The following HOOK3 variants were observed in gnomAD, a reference collection of about 807,000 sequenced individuals.
HOOK3 encodes hook microtubule tethering protein 3, also known as protein Hook homolog 3.
Under a neutral mutation model 116.3 loss-of-function variants are expected in HOOK3, and 24 were observed. The observed-to-expected ratio is 0.21, with a 90% CI of 0.15 to 0.29. The LOEUF (loss-of-function observed/expected upper bound fraction) is 0.29, where lower values mean the gene tolerates loss of function less well. HOOK3 is among the 10% of genes least tolerant of loss of function. HOOK3 has a pLI of 1.00. For missense variants in HOOK3, 632 were observed against 830.2 expected (o/e 0.76, Z 2.93); for synonymous variants, 275 against 283.0 (o/e 0.97, Z 0.28).
At chr8:42,935,134 A>G (rs1214134548) in intron 4 of HOOK3, among the ~76,000 whole-genome samples, 1 of 152,110 alleles carries the variant, frequency 6.6e-6, no homozygotes, top group African/African-American at 2.4e-5. Flanking sequence ...GCATTTCTCT[A>G]ATGACCAATG....
chr8:42,932,345 A>T (rs7016659), intron 4 of HOOK3, among the ~76,000 whole-genome samples: 1 of 152,062 alleles, frequency 6.6e-6, no homozygotes, highest in Non-Finnish European at 1.5e-5. Context: ...TGCCTATTAC[A>T]TAAAAAAAAA....
chr8:42,931,811 G>A (rs1207990140), intron 4 of HOOK3, among the ~76,000 whole-genome samples: 3 of 151,586 alleles, frequency 2.0e-5, no homozygotes, highest in Non-Finnish European at 4.4e-5. Flanking sequence ...GTAGAGTGCA[G>A]TAGCGCGATC....
chr8:43,001,039 A>G (rs1809369898), intron 16 of HOOK3: 1 of 151,966 alleles, frequency 6.6e-6, no homozygotes, highest in Non-Finnish European at 1.5e-5. Context: ...CCGAGGTGGG[A>G]GGAGGATCAC....
At chr8:42,982,271 GAAAAAAA>G (rs753456985) in intron 13 of HOOK3, among the ~76,000 whole-genome samples, 2 of 118,130 alleles carry the variant, frequency 1.7e-5, no homozygotes, top group African/African-American at 3.4e-5. Flanking sequence ...AAAAAAAAAA[GAAAAAAA>G]AAAAGAAAAA....
intron 4 of HOOK3, among the ~76,000 whole-genome samples, chr8:42,935,043 TC>T (rs1415544153): frequency 6.6e-6 from 1 of 152,214 alleles, no homozygotes; most frequent in African/African-American, 2.4e-5. Flanking sequence ...CCATATCCTC[TC>T]CAGCATCTAT....
chr8:42,906,344 T>A, intron 2 of HOOK3, 86 bp downstream of exon 2: 1 of 927,690 alleles, frequency 1.1e-6, no homozygotes, highest in Non-Finnish European at 1.8e-6. Context: ...AGTACTTACA[T>A]GAAACGTGTG....
intron 13 of HOOK3, among the ~76,000 whole-genome samples, chr8:42,978,648 A>G (rs1808874037): frequency 6.6e-6 from 1 of 152,088 alleles, no homozygotes; most frequent in South Asian, 2.1e-4. Flanking sequence ...TCCTGACCTC[A>G]GGTGATCCAC....
intron 1 of HOOK3, 26 bp from the exon 2 acceptor site, chr8:42,906,147 C>G (rs781718667): frequency 2.2e-6 from 2 of 901,952 alleles, no homozygotes; most frequent in South Asian, 1.3e-5. Context: ...AGAATCTCTC[C>G]CCCCCCCCTC....
At chr8:43,017,298 C>T (rs1422184347) in intron 21 of HOOK3, among the ~76,000 whole-genome samples, 3 of 152,290 alleles carry the variant, frequency 2.0e-5, no homozygotes, top group South Asian at 2.1e-4. Context: ...GCCAAGTTCT[C>T]GCACTGTTCC....
At chr8:42,965,585 G>A (rs776198433) in intron 9 of HOOK3, among the ~76,000 whole-genome samples, 4 of 152,072 alleles carry the variant, frequency 2.6e-5, no homozygotes, top group Non-Finnish European at 4.4e-5. Context: ...ATTTTGTTAC[G>A]GTTTACTAAA....
chr8:42,988,408 A>T (rs530564792), intron 15 of HOOK3, among the ~76,000 whole-genome samples: 4 of 152,288 alleles, frequency 2.6e-5, no homozygotes, highest in Admixed American at 6.5e-5. Flanking sequence ...AACTTTCTTC[A>T]TACTGCTTTG....
intron 14 of HOOK3, among the ~76,000 whole-genome samples, chr8:42,985,654 A>G (rs1278880232): frequency 6.6e-6 from 1 of 152,046 alleles, no homozygotes; most frequent in Non-Finnish European, 1.5e-5. Context: ...CTGAGGCAGA[A>G]GAATTGCTTG....
rs112535497 is a variant in HOOK3, at chr8:43,015,232, A to G, written c.2016+1832A>G. 4.4e-3 allele frequency among the ~76,000 whole-genome samples: 666 copies of G among 152,174 alleles called. 7 individuals carry two copies. Among genetic ancestry groups the G allele is most frequent in the African/African-American group, 0.015 (626 of 41,552 alleles). ...TATCAGAGTTAGAATACTATTATTG[A>G]CAAATATAGGCTATGCACGATGGCT... On this transcript the variant is annotated intron_variant, in intron 21 of 21. Transcript: ENST00000307602.
chr8:42,983,537 G>T (rs1257148499), intron 14 of HOOK3, among the ~76,000 whole-genome samples: 1 of 152,094 alleles, frequency 6.6e-6, no homozygotes, highest in East Asian at 1.9e-4. Context: ...AGGCTGGAGT[G>T]CAGTGGCACA....
At chr8:42,968,558 G>A (rs1432561451) in intron 11 of HOOK3, among the ~76,000 whole-genome samples, 1 of 152,082 alleles carries the variant, frequency 6.6e-6, no homozygotes, top group Non-Finnish European at 1.5e-5. Flanking sequence ...TTGTACTCCT[G>A]AGCTCAAGTG....
intron 4 of HOOK3, among the ~76,000 whole-genome samples, chr8:42,932,333 C>G (rs1234972738): frequency 6.6e-6 from 1 of 151,530 alleles, no homozygotes; most frequent in Non-Finnish European, 1.5e-5. Context: ...TTCTGAGCAT[C>G]ATGCCTATTA....
chr8:43,011,462 T>C (rs1489310772), intron 19 of HOOK3, among the ~76,000 whole-genome samples: 1 of 152,016 alleles, frequency 6.6e-6, no homozygotes, highest in East Asian at 1.9e-4. Flanking sequence ...TGTGTGTGTG[T>C]GTGTGTGGAG....
In HOOK3 at chr8:42,953,255, T is replaced by TAAAA. The variant is rs71231878; in HGVS notation, c.468+2816_468+2819dup. ...TAATTCTACTTTTAGGAGTTTATCC[T>TAAAA]AAAAAAAAAAAAAAAAAAAGTAAAA... is the stretch of plus-strand genomic sequence containing the variant. On this transcript the variant is annotated intron_variant, in intron 6 of 21. Transcript: ENST00000307602. Among the ~76,000 whole-genome samples the TAAAA allele has an allele frequency of 1.1e-4, 12 of 107,426 alleles. No homozygotes were observed. In the Admixed American group the frequency reaches 1.1e-3, roughly 10 times the overall value. 70.5% of individuals were successfully genotyped at this position (107,426 alleles called of 152,430 possible). A position where few individuals can be genotyped will look rare whatever the true frequency, so the allele number is the denominator to read the frequency against.
At chr8:42,923,295 C>T (rs1807696832) in intron 2 of HOOK3, among the ~76,000 whole-genome samples, 1 of 152,198 alleles carries the variant, frequency 6.6e-6, no homozygotes, top group South Asian at 2.1e-4. Flanking sequence ...CCTTGCCTCA[C>T]ATGACCCATC....
Sources: gnomAD v4.1 joint callset for allele counts (sites outside exome capture counted in the v4.1 genomes callset) on GRCh38, gnomAD v4.1.1 for gene constraint, MANE v1.5 for transcripts, NCBI Gene and HGNC (gene_info 2026-07-23, HGNC 2026-07-21) for gene names.